RTN1: variants seen among roughly 807,000 people sequenced by gnomAD.
RTN1 encodes reticulon 1, also known as reticulon-1.
A neutral mutation model predicts 65.5 loss-of-function variants in RTN1; 25 were observed. That is an observed-to-expected ratio of 0.38 (90% confidence interval 0.28 to 0.53). RTN1 has a LOEUF of 0.53. RTN1 is among the 20% of genes least tolerant of loss of function. The probability of loss-of-function intolerance (pLI) is 0.79; values close to 1 mark genes in which losing one functional copy is unlikely to be tolerated. For synonymous variants in RTN1, 471 were observed against 447.6 expected (o/e 1.05, Z -0.66); for missense variants, 983 against 1,025.4 (o/e 0.96, Z 0.57).
chr14:59,688,316 G>A (rs188415799), intron 3 of RTN1, among the ~76,000 whole-genome samples: 302 of 152,288 alleles, frequency 2.0e-3, no homozygotes, highest in Middle Eastern at 3.4e-3. Flanking sequence ...CCACCACCAT[G>A]CAGAGACCTT....
intron 1 of RTN1, among the ~76,000 whole-genome samples, chr14:59,834,511 T>A (rs973327342): frequency 3.3e-5 from 5 of 152,040 alleles, no homozygotes; most frequent in Admixed American, 6.6e-5. Context: ...TGAAACTCAA[T>A]AATAAGAAAA....
intron 3 of RTN1, among the ~76,000 whole-genome samples, chr14:59,677,967 C>A (rs1883661779): frequency 6.6e-6 from 1 of 152,226 alleles, no homozygotes; most frequent in South Asian, 2.1e-4. Context: ...ACAAAAATAA[C>A]ATTCTTTTCT....
rs1332956597 is a variant in RTN1 at position 59,766,373 on chromosome 14, C to T, written c.242-19892G>A. On this transcript the variant is annotated intron_variant, in intron 1 of 8. Transcript: ENST00000267484. The surrounding 1 kb of genome is among the most constrained non-coding windows in gnomAD (Gnocchi z 4.4). Reference sequence around the variant, plus strand: ...CCTGTCCTAAGTGTGTAGAAACAGGCCAGAGTCAAGGTATACTTTCTATTT... The same window carrying T: ...CCTGTCCTAAGTGTGTAGAAACAGGTCAGAGTCAAGGTATACTTTCTATTT... 6.6e-6 allele frequency among the ~76,000 whole-genome samples: 1 copy of T among 152,100 alleles called. No individual in the cohort carries two copies. The highest frequency in any genetic ancestry group is 6.6e-5 in the Admixed American group (1 of 15,262).
At chr14:59,852,917 G>A (rs1031354487) in intron 1 of RTN1, among the ~76,000 whole-genome samples, 1 of 152,148 alleles carries the variant, frequency 6.6e-6, no homozygotes, top group Admixed American at 6.5e-5. Flanking sequence ...GTATGTATTT[G>A]TGTCATCTAT....
At chr14:59,724,344 T>C (rs1884711507) in intron 3 of RTN1, among the ~76,000 whole-genome samples, 1 of 152,228 alleles carries the variant, frequency 6.6e-6, no homozygotes, top group South Asian at 2.1e-4. Flanking sequence ...TGTCAAACCT[T>C]ATCCTAAATA....
chr14:59,662,616 C>T (rs887585362), intron 3 of RTN1, among the ~76,000 whole-genome samples: 2 of 152,040 alleles, frequency 1.3e-5, no homozygotes, highest in African/African-American at 4.8e-5. Context: ...TTCTTATATG[C>T]CAATAATAGA....
intron 3 of RTN1, among the ~76,000 whole-genome samples, chr14:59,648,848 C>G (rs1456870798): frequency 2.0e-5 from 3 of 152,084 alleles, no homozygotes; most frequent in Non-Finnish European, 2.9e-5. Context: ...TGGACAAAAC[C>G]AGGAAGCATT....
chr14:59,866,720 T>C (rs1382161830), intron 1 of RTN1, among the ~76,000 whole-genome samples: 1 of 152,148 alleles, frequency 6.6e-6, no homozygotes, highest in East Asian at 1.9e-4. Context: ...CACAGTGTAA[T>C]GTTCCTTACC....
At chr14:59,633,543 C>G (rs1190435548) in intron 3 of RTN1, among the ~76,000 whole-genome samples, 1 of 152,134 alleles carries the variant, frequency 6.6e-6, no homozygotes, top group Non-Finnish European at 1.5e-5. Context: ...ATTGAAAGCT[C>G]TTGCCAAGAT....
At chr14:59,787,708 T>C (rs1443135997) in intron 1 of RTN1, among the ~76,000 whole-genome samples, 1 of 152,110 alleles carries the variant, frequency 6.6e-6, no homozygotes, top group Non-Finnish European at 1.5e-5. Context: ...AAGAGGCTGG[T>C]GGCAGGGCTG....
chr14:59,726,718 C>T (rs1486774627), intron 3 of RTN1, among the ~76,000 whole-genome samples: 2 of 152,176 alleles, frequency 1.3e-5, no homozygotes, highest in Non-Finnish European at 2.9e-5. Context: ...GCCCTGAGCA[C>T]GCGGTTCTGC....
intron 3 of RTN1, among the ~76,000 whole-genome samples, chr14:59,611,840 G>C (rs1881960896): frequency 6.6e-6 from 1 of 152,124 alleles, no homozygotes; most frequent in African/African-American, 2.4e-5. Context: ...TCTCCTCTTT[G>C]TCTGTGTTTG....
In RTN1 at chr14:59,763,367, TTTGGGAA is replaced by T. The variant is rs556530073; in HGVS notation, c.242-16893_242-16887del. Among the ~76,000 whole-genome samples the T allele has an allele frequency of 5.3e-5, 8 of 152,160 alleles. No homozygotes were observed. The South Asian group carries it at 1.7e-3, about 32-fold the overall frequency. Reference sequence around the variant, plus strand: ...TAATTCAGCTGTTGATGAGCCAGAGTTTGGGAATATTGATCCAAGTGACTCTGAATGC... The same window carrying T: ...TAATTCAGCTGTTGATGAGCCAGAGTTATTGATCCAAGTGACTCTGAATGC... On this transcript the variant is annotated intron_variant, in intron 1 of 8. Coordinates refer to ENST00000267484, the MANE Select transcript of RTN1 (RefSeq NM_021136.3).
intron 3 of RTN1, among the ~76,000 whole-genome samples, chr14:59,717,267 C>T (rs1884556508): frequency 6.6e-6 from 1 of 152,098 alleles, no homozygotes; most frequent in Admixed American, 6.6e-5. Flanking sequence ...TTTCAGTGCT[C>T]AGCCAAGAGT....
chr14:59,662,694 G>T (rs961465303), intron 3 of RTN1, among the ~76,000 whole-genome samples: 9 of 152,016 alleles, frequency 5.9e-5, no homozygotes, highest in African/African-American at 2.2e-4. Context: ...AAATACCTAG[G>T]AATACAACTT....
chr14:59,723,533 C>T (rs368535514), intron 3 of RTN1, among the ~76,000 whole-genome samples: 19 of 152,054 alleles, frequency 1.2e-4, no homozygotes, highest in African/African-American at 3.1e-4. Flanking sequence ...AGTAGAATGG[C>T]GTGAACCTGG....
chr14:59,743,016 G>C (rs1885144380), intron 2 of RTN1, among the ~76,000 whole-genome samples: 1 of 152,198 alleles, frequency 6.6e-6, no homozygotes, highest in South Asian at 2.1e-4. Flanking sequence ...GATGTATATG[G>C]AGAGAGGAGC....
intron 1 of RTN1, among the ~76,000 whole-genome samples, chr14:59,755,641 C>T (rs61187119): frequency 0.022 from 3,303 of 152,202 alleles, 117 homozygotes; most frequent in African/African-American, 0.075. Context: ...ACAACAGAGT[C>T]CTCCATGAGG....
intron 3 of RTN1, among the ~76,000 whole-genome samples, chr14:59,678,927 A>G (rs1252276182): frequency 1.3e-5 from 2 of 152,210 alleles, no homozygotes; most frequent in African/African-American, 4.8e-5. Context: ...TCTTATGCAC[A>G]TATAAGTTTA....
Sources: gnomAD v4.1 joint callset for allele counts (sites outside exome capture counted in the v4.1 genomes callset) on GRCh38, gnomAD v4.1.1 for gene constraint, Gnocchi (gnomAD v3.1) non-coding constraint, MANE v1.5 for transcripts, NCBI Gene and HGNC (gene_info 2026-07-23, HGNC 2026-07-21) for gene names.